SUMF1: variants seen among roughly 807,000 people sequenced by gnomAD.
SUMF1 encodes sulfatase modifying factor 1.
SUMF1 carries 48 observed loss-of-function variants against 47.6 expected under a neutral mutation model. That is an observed-to-expected ratio of 1.01 (90% CI 0.80 to 1.28). SUMF1 has a LOEUF of 1.28. Ranked by LOEUF, SUMF1 falls within the 50% of genes most tolerant of loss-of-function variation. SUMF1 has a pLI of 0.00. For missense variants in SUMF1, 571 were observed against 485.4 expected, an observed-to-expected ratio of 1.18 and a Z score of -1.66; for synonymous variants, 230 against 192.1, an observed-to-expected ratio of 1.20 and a Z score of -1.63.
At chr3:4,323,109 C>G (rs1166194983) in intron 8 of SUMF1, among the ~76,000 whole-genome samples, 1 of 152,246 alleles carries the variant, frequency 6.6e-6, no homozygotes, top group East Asian at 1.9e-4. Context: ...AAAGTAGGCA[C>G]AACCCAAATA....
chr3:4,362,281 G>C, intron 8 of SUMF1, 27 bp from the exon 9 acceptor site: 1 of 1,592,306 alleles, frequency 6.3e-7, no homozygotes, highest in Non-Finnish European at 8.6e-7. Context: ...AGCAAGGTAA[G>C]TGCTACTGGG....
chr3:4,207,297 CTTTCAATATGCA>C (rs1374617536), intron 8 of SUMF1, among the ~76,000 whole-genome samples: 1 of 152,048 alleles, frequency 6.6e-6, no homozygotes, highest in Non-Finnish European at 1.5e-5. Flanking sequence ...TACTTCTTAC[CTTTCAATATGCA>C]TATCTTTAAT....
At chr3:4,252,580 A>G (rs1696830365) in intron 8 of SUMF1, among the ~76,000 whole-genome samples, 1 of 152,186 alleles carries the variant, frequency 6.6e-6, no homozygotes, top group South Asian at 2.1e-4. Context: ...CCATTTTTAC[A>G]CGTACAATGA....
intron 9 of SUMF1, among the ~76,000 whole-genome samples, chr3:4,059,439 G>A (rs1317006218): frequency 2.0e-5 from 3 of 152,104 alleles, no homozygotes; most frequent in Non-Finnish European, 2.9e-5. Flanking sequence ...AACTTTTAAA[G>A]GACATCTAAA....
chr3:4,441,218 C>T (rs537446977), intron 3 of SUMF1, among the ~76,000 whole-genome samples: 123 of 152,218 alleles, frequency 8.1e-4, no homozygotes, highest in African/African-American at 2.6e-3. Context: ...GAGTGTGAAT[C>T]CTGTTGTGAA....
chr3:4,449,750 T>C (rs551943129), intron 2 of SUMF1, among the ~76,000 whole-genome samples: 3 of 152,372 alleles, frequency 2.0e-5, no homozygotes, highest in Non-Finnish European at 2.9e-5. Context: ...GCTCACATTC[T>C]GACACATTCT....
At chr3:4,111,182 A>G (rs1283169153) in intron 8 of SUMF1, among the ~76,000 whole-genome samples, 1 of 151,938 alleles carries the variant, frequency 6.6e-6, no homozygotes, top group Non-Finnish European at 1.5e-5. Flanking sequence ...CAAGTCCCAC[A>G]GTTGGCCTAG....
intron 8 of SUMF1, among the ~76,000 whole-genome samples, chr3:4,074,577 AATAG>A (rs1396354852): frequency 6.6e-6 from 1 of 152,152 alleles, no homozygotes; most frequent in Non-Finnish European, 1.5e-5. Context: ...AGATCAACAA[AATAG>A]ATAAACCACT....
At chr3:4,253,567 G>C (rs943917029) in intron 8 of SUMF1, among the ~76,000 whole-genome samples, 2 of 151,006 alleles carry the variant, frequency 1.3e-5, no homozygotes, top group Non-Finnish European at 2.9e-5. Context: ...CTTAAAAAAC[G>C]GCGCACCATG....
intron 6 of SUMF1, among the ~76,000 whole-genome samples, chr3:4,413,250 C>G (rs1701602521): frequency 6.6e-6 from 1 of 152,086 alleles, no homozygotes; most frequent in Admixed American, 6.5e-5. Flanking sequence ...AAACAAACCT[C>G]TTGTCTCAGC....
chr3:4,340,623 A>T (rs1699252245), intron 8 of SUMF1, among the ~76,000 whole-genome samples: 1 of 152,184 alleles, frequency 6.6e-6, no homozygotes, highest in South Asian at 2.1e-4. Flanking sequence ...GAGAGTTAAT[A>T]AATAGGAGGA....
At chr3:4,333,820 ATT>A (rs34421929) in intron 8 of SUMF1, among the ~76,000 whole-genome samples, 21 of 148,394 alleles carry the variant, frequency 1.4e-4, no homozygotes, top group African/African-American at 4.2e-4. Context: ...TAAGCACATA[ATT>A]TTTTTTTTTT....
In SUMF1 at chr3:4,467,049, G is replaced by A. The variant is rs1438279329; in HGVS notation, c.197C>T (p.Ala66Val). ...QRPGAHGSSA[A>V]AHRYSREANA... The stretch of plus-strand genomic sequence containing the variant: ...AGCCTCCCGCGAGTATCGGTGAGCG[G>A]CTGCCGAACTGCCATGGGCGCCAGG... Residue 66 changes from alanine to valine, a missense_variant, in exon 1 of 9, where the codon GCC becomes GTC. Physicochemically the swap from Ala to Val is moderately conservative, Grantham distance 64 (BLOSUM62 0). Coordinates refer to ENST00000272902, the MANE Select transcript of SUMF1 (RefSeq NM_182760.4). 3 of 1,570,676 alleles carry A rather than the reference G, an allele frequency of 1.9e-6. No individual in the cohort carries two copies. The highest frequency in any genetic ancestry group is 3.7e-5 in the Admixed American group (2 of 53,470).
In SUMF1 at chr3:4,313,868, A is replaced by G. The variant is rs770108257; in HGVS notation, c.1014+62462T>C. 23 of 1,540,164 alleles carry G rather than the reference A, an allele frequency of 1.5e-5. No individual in the cohort carries two copies. In the East Asian group the frequency reaches 5.0e-4, roughly 33 times the overall value. On this transcript the variant is annotated intron_variant and NMD_transcript_variant, in intron 8 of 12. Transcript: ENST00000448413. ...CATAAGTTTAACTCAGGAATGTGGC[A>G]GAGACTGCAAGTTGTCCATCAGTAT...
chr3:4,317,204 T>C, intron 8 of SUMF1: 1 of 1,548,292 alleles, frequency 6.5e-7, no homozygotes. Context: ...TTATTTCTCG[T>C]TGGCAAAAAT....
At chr3:4,353,706 C>T (rs1430537059) in intron 8 of SUMF1, among the ~76,000 whole-genome samples, 1 of 152,062 alleles carries the variant, frequency 6.6e-6, no homozygotes, top group African/African-American at 2.4e-5. Flanking sequence ...GACTCACAGG[C>T]CCCCTGAAAG....
intron 8 of SUMF1, among the ~76,000 whole-genome samples, chr3:4,307,288 T>A (rs1698226857): frequency 2.0e-5 from 3 of 152,174 alleles, no homozygotes; most frequent in Admixed American, 2.0e-4. Context: ...AATCTGGCAA[T>A]CGAAAAATGC....
chr3:4,120,229 C>T (rs1347190537), intron 8 of SUMF1, among the ~76,000 whole-genome samples: 1 of 152,002 alleles, frequency 6.6e-6, no homozygotes, highest in Non-Finnish European at 1.5e-5. Context: ...AACCAAAAGC[C>T]ATATATTATT....
In SUMF1 at chr3:4,045,503, TA is replaced by T; in HGVS notation, c.1191+23065del. Among the ~76,000 whole-genome samples, 2 of 151,984 alleles carry T rather than the reference TA, an allele frequency of 1.3e-5. 1 individual carries two copies. The highest frequency in any genetic ancestry group is 6.8e-3 in the Middle Eastern group (2 of 294). On this transcript the variant is annotated intron_variant and NMD_transcript_variant, in intron 9 of 12. Coordinates refer to the SUMF1 transcript ENST00000448413. ...CTATTCTGCAGCAGTGCTATAAGAATAAAATGAGATTGTATATATAAAAATT... is the reference window on the plus strand; with the variant it reads ...CTATTCTGCAGCAGTGCTATAAGAATAAATGAGATTGTATATATAAAAATT...
Sources: allele counts gnomAD v4.1 joint callset (sites outside exome capture counted in the v4.1 genomes callset), GRCh38; gene constraint gnomAD v4.1.1; transcripts MANE v1.5; gene names NCBI Gene and HGNC (gene_info 2026-07-23, HGNC 2026-07-21).